The following CD1B variants were observed in gnomAD, a reference collection of about 807,000 sequenced individuals.
CD1B encodes CD1b molecule, also known as T-cell surface glycoprotein CD1b.
Under a neutral mutation model 39.8 loss-of-function variants are expected in CD1B, and 43 were observed. That is an observed-to-expected ratio of 1.08 (90% CI 0.85 to 1.39). CD1B has a LOEUF of 1.39. Ranked by LOEUF, CD1B falls within the 40% of genes most tolerant of loss-of-function variation. The probability of loss-of-function intolerance (pLI) is 0.00; values close to 1 mark genes in which losing one functional copy is unlikely to be tolerated. For synonymous variants in CD1B, 192 were observed against 152.5 expected (o/e 1.26, Z -1.91); for missense variants, 495 against 403.8 (o/e 1.23, Z -1.94).
At chr1:158,295,123 T>G in the CD1B span, among the ~76,000 whole-genome samples, 2 of 152,036 alleles carry the variant, frequency 1.3e-5, no homozygotes, top group African/African-American at 4.8e-5. Flanking sequence ...AAAATTAAAC[T>G]TATTTTTGGG....
chr1:158,293,425 A>G, the CD1B span: 1 of 1,612,460 alleles, frequency 6.2e-7, no homozygotes, highest in East Asian at 2.2e-5. Flanking sequence ...CAACTTATTC[A>G]GGGTTTCTCC....
chr1:158,292,331 C>T, the CD1B span: 1 of 1,614,104 alleles, frequency 6.2e-7, no homozygotes, highest in Non-Finnish European at 8.5e-7. Context: ...TCTTGGGTCT[C>T]CTGGATGCAG....
chr1:158,311,309 G>A, the CD1B span, among the ~76,000 whole-genome samples: 2 of 152,020 alleles, frequency 1.3e-5, no homozygotes, highest in Non-Finnish European at 2.9e-5. Context: ...TTACCTATTG[G>A]TCATTCGTAT....
the CD1B span, chr1:158,290,172 G>A: frequency 6.4e-7 from 1 of 1,559,306 alleles, no homozygotes; most frequent in Non-Finnish European, 8.8e-7. Context: ...TCTGGGTAGA[G>A]TGTGCTGGGC....
the CD1B span, chr1:158,291,210 C>G: frequency 6.2e-7 from 1 of 1,613,844 alleles, no homozygotes; most frequent in East Asian, 2.2e-5. Flanking sequence ...GAGGTCAGGG[C>G]TCAGGATGGC....
At chr1:158,317,401 G>C in the CD1B span, among the ~76,000 whole-genome samples, 1 of 152,184 alleles carries the variant, frequency 6.6e-6, no homozygotes, top group African/African-American at 2.4e-5. Flanking sequence ...GAGAGTGTAT[G>C]TGTCGAGGAA....
chr1:158,306,469 A>G, the CD1B span, among the ~76,000 whole-genome samples: 2 of 152,210 alleles, frequency 1.3e-5, no homozygotes, highest in East Asian at 3.9e-4. Flanking sequence ...AGACTCCCAC[A>G]CAATAATAAT....
At chr1:158,326,665 ATAG>A (rs969105882), downstream of CD1B, among the ~76,000 whole-genome samples, 27 of 152,294 alleles carry the variant, frequency 1.8e-4, no homozygotes, top group African/African-American at 6.5e-4. Context: ...ACATGTTGAA[ATAG>A]TTAAGGATGA....
At chr1:158,305,904 C>T in the CD1B span, among the ~76,000 whole-genome samples, 1 of 152,180 alleles carries the variant, frequency 6.6e-6, no homozygotes, top group East Asian at 1.9e-4. Flanking sequence ...CATCACCAGG[C>T]CTGCCCTACA....
chr1:158,303,004 C>G, the CD1B span, among the ~76,000 whole-genome samples: 1 of 152,174 alleles, frequency 6.6e-6, no homozygotes, highest in African/African-American at 2.4e-5. Flanking sequence ...AGCTAATTTT[C>G]CTGAAGAATA....
the CD1B span, among the ~76,000 whole-genome samples, chr1:158,301,736 C>T: frequency 2.6e-5 from 4 of 152,182 alleles, no homozygotes; most frequent in East Asian, 7.7e-4. Flanking sequence ...TTCATTTCAA[C>T]CTTCGTGAGT....
At chr1:158,297,144 C>G in the CD1B span, among the ~76,000 whole-genome samples, 1 of 152,040 alleles carries the variant, frequency 6.6e-6, no homozygotes, top group Non-Finnish European at 1.5e-5. Flanking sequence ...TCAAGATACA[C>G]AATAATAAGA....
At chr1:158,306,522 G>A in the CD1B span, among the ~76,000 whole-genome samples, 3 of 152,064 alleles carry the variant, frequency 2.0e-5, no homozygotes, top group Admixed American at 1.3e-4. Context: ...ACAGGTCAAC[G>A]AGACAGAAAG....
chr1:158,293,509 G>A, the CD1B span: 1 of 1,614,048 alleles, frequency 6.2e-7, no homozygotes, highest in Non-Finnish European at 8.5e-7. Context: ...ATTGTGTTAA[G>A]AACCCAGCAA....
At chr1:158,300,746 G>GTCTC in the CD1B span, among the ~76,000 whole-genome samples, 2 of 146,494 alleles carry the variant, frequency 1.4e-5, no homozygotes, top group African/African-American at 5.1e-5. Flanking sequence ...GGCCTTCTTT[G>GTCTC]TCTCTCTCTC....
At chr1:158,289,919 A>G in the CD1B span, 1 of 660,392 alleles carries the variant, frequency 1.5e-6, no homozygotes, top group African/African-American at 1.8e-5. Context: ...AGGTTGAGGG[A>G]AGCAGATCTT....
rs767864935 is a variant in CD1B, at chr1:158,329,446, T to C, written c.810A>G (p.Ala270=). ...AGGACAGGCCAGCCGCCTCCCCATC[T>C]GCCACATCCAGGGTTGCTCGGAGAT... ...TWYLRATLDV[A]DGEAAGLSCR... Residue 270 remains alanine, a synonymous_variant, in exon 4 of 6, where the codon GCA becomes GCG. Transcript: ENST00000368168. The C allele has an allele frequency of 3.1e-6, 5 of 1,614,194 alleles. No individual in the cohort carries two copies. In the South Asian group the frequency reaches 4.4e-5, roughly 14 times the overall value.
intron 1 of CD1B, 68 bp from the exon 2 acceptor site, chr1:158,331,130 GA>G: frequency 6.9e-7 from 1 of 1,439,916 alleles, no homozygotes; most frequent in African/African-American, 1.4e-5. Context: ...GGAAGAATGG[GA>G]ATGAAAATGA....
At chr1:158,322,459 G>A in the CD1B span, among the ~76,000 whole-genome samples, 1 of 140,110 alleles carries the variant, frequency 7.1e-6, no homozygotes, top group East Asian at 2.1e-4. Flanking sequence ...GTAAGATGCG[G>A]TTTTGCCATG....
Sources: gnomAD v4.1 joint callset for allele counts (sites outside exome capture counted in the v4.1 genomes callset) on GRCh38, gnomAD v4.1.1 for gene constraint, MANE v1.5 for transcripts, NCBI Gene and HGNC (gene_info 2026-07-23, HGNC 2026-07-21) for gene names.